POTEC: variants seen among roughly 807,000 people sequenced by gnomAD.
POTEC encodes the protein POTE ankyrin domain family member C.
In POTEC, 35 loss-of-function variants were observed where a neutral mutation model predicts 62.0. That is an observed-to-expected ratio of 0.56 (90% CI 0.43 to 0.75). The LOEUF is 0.75. Ranked by LOEUF, POTEC falls within the 30% of genes least tolerant of loss-of-function variation. The probability of loss-of-function intolerance (pLI) is 0.00; values close to 1 mark genes in which losing one functional copy is unlikely to be tolerated. For missense variants in POTEC, 472 were observed against 655.9 expected, an observed-to-expected ratio of 0.72 and a Z score of 3.06; for synonymous variants, 156 against 221.5, an observed-to-expected ratio of 0.70 and a Z score of 2.62.
intron 1 of POTEC, among the ~76,000 whole-genome samples, chr18:14,540,961 G>C (rs1319482097): frequency 6.6e-6 from 1 of 151,858 alleles, no homozygotes. Flanking sequence ...TGCAATCTCA[G>C]CTCACTGCAA....
chr18:14,522,679 CA>C (rs1456463948), intron 8 of POTEC, among the ~76,000 whole-genome samples: 1 of 151,910 alleles, frequency 6.6e-6, no homozygotes, highest in Admixed American at 6.6e-5. Flanking sequence ...TTCCAAAATT[CA>C]AAAAGGGCCC....
chr18:14,526,692 C>T (rs1370344554), intron 6 of POTEC, among the ~76,000 whole-genome samples: 1 of 152,040 alleles, frequency 6.6e-6, no homozygotes, highest in Admixed American at 6.6e-5. Context: ...CATTAAGAGC[C>T]ACTCAGTAAT....
chr18:14,539,737 C>T (rs9635843), intron 1 of POTEC, among the ~76,000 whole-genome samples: 31,836 of 151,358 alleles, frequency 0.21, 3,919 homozygotes, highest in East Asian at 0.49. Context: ...GGTTATCTTT[C>T]ACTATTTTCC....
In POTEC at chr18:14,526,341, C is replaced by T. The variant is rs148983110; in HGVS notation, c.1127-1358G>A. ...CTGCACCTTTACCACCTGAACTGTA[C>T]ATTATTCTTCCACAGGTCTGTCCCC... On this transcript the variant is annotated intron_variant, in intron 6 of 10. Coordinates refer to ENST00000358970, the MANE Select transcript of POTEC (RefSeq NM_001137671.2). Among the ~76,000 whole-genome samples the T allele has an allele frequency of 8.3e-3, 1,266 of 152,236 alleles. 17 individuals carry two copies. The highest frequency in any genetic ancestry group is 0.04 in the South Asian group (194 of 4,822).
chr18:14,537,198 CACACACACACACA>C (rs1174344414), intron 3 of POTEC, among the ~76,000 whole-genome samples: 142 of 83,732 alleles, frequency 1.7e-3, no homozygotes, highest in African/African-American at 0.01. Context: ...CACACACACA[CACACACACACACA>C]AAAAAAAAAA....
intron 4 of POTEC, among the ~76,000 whole-genome samples, chr18:14,533,815 A>G (rs1347684556): frequency 6.6e-6 from 1 of 152,046 alleles, no homozygotes; most frequent in Non-Finnish European, 1.5e-5. Context: ...CGTAGCAAGT[A>G]AGAAAGTTAG....
At chr18:14,527,374 A>G (rs1910465180) in intron 6 of POTEC, among the ~76,000 whole-genome samples, 1 of 152,106 alleles carries the variant, frequency 6.6e-6, no homozygotes, top group Non-Finnish European at 1.5e-5. Context: ...TTTGCAGAAA[A>G]TGATTTTTTA....
chr18:14,519,369 G>C (rs1910250042), intron 9 of POTEC, among the ~76,000 whole-genome samples: 1 of 152,138 alleles, frequency 6.6e-6, no homozygotes, highest in African/African-American at 2.4e-5. Flanking sequence ...ATTAAGGAGA[G>C]AGATCTGAGC....
chr18:14,530,089 G>A (rs8090414), intron 6 of POTEC, among the ~76,000 whole-genome samples: 29,644 of 151,422 alleles, frequency 0.2, 3,317 homozygotes, highest in East Asian at 0.47. Flanking sequence ...CCTCCAGTCA[G>A]ATCAGTGATA....
intron 5 of POTEC, 53 bp from the exon 6 acceptor site, chr18:14,530,606 AAT>A (rs2143147236): frequency 1.5e-6 from 2 of 1,294,482 alleles, no homozygotes; most frequent in Non-Finnish European, 1.1e-6. Context: ...TGATATAAAA[AAT>A]ACTTACCAAA....
At chr18:14,537,155 G>A (rs1389549061) in intron 3 of POTEC, among the ~76,000 whole-genome samples, 8 of 101,248 alleles carry the variant, frequency 7.9e-5, no homozygotes, top group African/African-American at 1.8e-4. Flanking sequence ...TAAAGGAAAC[G>A]AATGAACAAC....
At chr18:14,521,824 G>C (rs1306269031) in intron 9 of POTEC, among the ~76,000 whole-genome samples, 28 of 152,134 alleles carry the variant, frequency 1.8e-4, no homozygotes, top group Admixed American at 1.8e-3. Context: ...TGGACACAAA[G>C]AGGAGAATAA....
chr18:14,517,357 A>G (rs541417793), intron 9 of POTEC, among the ~76,000 whole-genome samples: 3 of 152,280 alleles, frequency 2.0e-5, no homozygotes, highest in South Asian at 2.1e-4. Flanking sequence ...TCACCAACCA[A>G]TATCAATGTG....
At chr18:14,524,535 A>T (rs1443252534) in intron 7 of POTEC, among the ~76,000 whole-genome samples, 1 of 152,170 alleles carries the variant, frequency 6.6e-6, no homozygotes, top group Non-Finnish European at 1.5e-5. Flanking sequence ...GTGTTGTAAA[A>T]ATAAAAGAAC....
chr18:14,515,747 A>G (rs1413773574), intron 9 of POTEC, among the ~76,000 whole-genome samples: 1 of 151,932 alleles, frequency 6.6e-6, no homozygotes, highest in Non-Finnish European at 1.5e-5. Context: ...CAACCTATAC[A>G]ATGGGGAAAA....
chr18:14,538,192 C>T lies in POTEC; in HGVS notation c.579G>A (p.Leu193=), dbSNP rs886717537. The T allele has an allele frequency of 4.3e-6, 7 of 1,610,900 alleles. No homozygotes were observed. The African/African-American group carries it at 9.4e-5, about 22-fold the overall frequency. ...GGACATTAAGTTGACATCGTCTGTCCAGCAGGAGTTGTACTACTTCTGAAT... is the reference window on the plus strand; with the variant it reads ...GGACATTAAGTTGACATCGTCTGTCTAGCAGGAGTTGTACTACTTCTGAAT... ...NGNSEVVQLL[L]DRRCQLNVLD... is the part of the protein sequence containing the mutation. The change falls in exon 2 of 11, where the codon CTG becomes CTA. Residue 193 remains leucine (L), a synonymous_variant. Transcript: ENST00000358970.
intron 1 of POTEC, among the ~76,000 whole-genome samples, chr18:14,538,523 C>T (rs535553349): frequency 6.6e-6 from 1 of 152,034 alleles, no homozygotes; most frequent in African/African-American, 2.4e-5. Context: ...TGTTGCTTAG[C>T]CTTTTTGTGT....
At chr18:14,525,185 A>C (rs2143134330) in intron 6 of POTEC, among the ~76,000 whole-genome samples, 1 of 151,434 alleles carries the variant, frequency 6.6e-6, no homozygotes, top group East Asian at 2.0e-4. Flanking sequence ...TGATTCACTC[A>C]CAAATTCATC....
At chr18:14,517,775 A>G (rs534366228) in intron 9 of POTEC, among the ~76,000 whole-genome samples, 1 of 152,292 alleles carries the variant, frequency 6.6e-6, no homozygotes, top group Non-Finnish European at 1.5e-5. Context: ...GGGAGGAGAA[A>G]TGCATGAACC....
Sources: allele counts gnomAD v4.1 joint callset (sites outside exome capture counted in the v4.1 genomes callset), GRCh38; gene constraint gnomAD v4.1.1; transcripts MANE v1.5; gene names NCBI Gene and HGNC (gene_info 2026-07-23, HGNC 2026-07-21).